The following FBXL17 variants were observed in gnomAD, a reference collection of about 807,000 sequenced individuals.
The protein encoded by FBXL17 is F-box/LRR-repeat protein 17.
A neutral mutation model predicts 66.2 loss-of-function variants in FBXL17; 22 were observed. That is an observed-to-expected ratio of 0.33 (90% CI 0.24 to 0.47). FBXL17 has a LOEUF of 0.47. Among genes scored for constraint, FBXL17 ranks in the 20% least tolerant of loss-of-function variants. The probability of loss-of-function intolerance (pLI) is 1.00; values close to 1 mark genes in which losing one functional copy is unlikely to be tolerated. For missense variants in FBXL17, 878 were observed against 948.2 expected (o/e 0.93, Z 0.97); for synonymous variants, 474 against 400.5 (o/e 1.18, Z -2.19).
chr5:108,332,832 C>T (rs975243558), intron 4 of FBXL17, among the ~76,000 whole-genome samples: 1 of 151,156 alleles, frequency 6.6e-6, no homozygotes, highest in African/African-American at 2.4e-5. Context: ...TAGTTTCGAA[C>T]TCCTGACCTC....
chr5:108,113,327 C>A (rs967649644), intron 6 of FBXL17, among the ~76,000 whole-genome samples: 1 of 151,974 alleles, frequency 6.6e-6, no homozygotes, highest in Non-Finnish European at 1.5e-5. Context: ...AACTACTGAG[C>A]CTTTAAATCT....
At chr5:108,303,843 A>G (rs1490317664) in intron 4 of FBXL17, among the ~76,000 whole-genome samples, 1 of 151,976 alleles carries the variant, frequency 6.6e-6, no homozygotes, top group Non-Finnish European at 1.5e-5. Flanking sequence ...AATAGAATGT[A>G]TGCTTGTATA....
At chr5:108,120,889 A>T (rs983954292) in intron 6 of FBXL17, among the ~76,000 whole-genome samples, 3 of 152,184 alleles carry the variant, frequency 2.0e-5, no homozygotes, top group African/African-American at 7.2e-5. Context: ...GAATGAATGA[A>T]TGCTTATCCT....
At chr5:107,905,032 C>T (rs1748162051) in intron 7 of FBXL17, among the ~76,000 whole-genome samples, 1 of 151,670 alleles carries the variant, frequency 6.6e-6, no homozygotes, top group South Asian at 2.1e-4. Context: ...GCTTCCAACT[C>T]AAACAGGGCA....
chr5:108,050,556 G>A (rs1324470898), intron 6 of FBXL17, among the ~76,000 whole-genome samples: 1 of 152,102 alleles, frequency 6.6e-6, no homozygotes, highest in Non-Finnish European at 1.5e-5. Flanking sequence ...CTAAAGCAGT[G>A]TTAAGAGGGA....
chr5:108,360,441 G>A (rs1211485186), intron 3 of FBXL17, among the ~76,000 whole-genome samples: 3 of 152,002 alleles, frequency 2.0e-5, no homozygotes, highest in Admixed American at 6.6e-5. Context: ...CATAGTTTCT[G>A]ATGATAAAAC....
intron 6 of FBXL17, among the ~76,000 whole-genome samples, chr5:108,028,391 T>C (rs557070274): frequency 6.6e-6 from 1 of 152,298 alleles, no homozygotes; most frequent in East Asian, 1.9e-4. Context: ...GCTATAAGTA[T>C]TGATATGAAA....
chr5:108,071,270 T>C (rs1049555958), intron 6 of FBXL17, among the ~76,000 whole-genome samples: 1 of 152,238 alleles, frequency 6.6e-6, no homozygotes, highest in Non-Finnish European at 1.5e-5. Flanking sequence ...AAGATTTTCA[T>C]GACCCTACTA....
At chr5:107,919,921 C>A (rs1750255034) in intron 7 of FBXL17, among the ~76,000 whole-genome samples, 1 of 152,242 alleles carries the variant, frequency 6.6e-6, no homozygotes, top group South Asian at 2.1e-4. Context: ...TTATTTCCAG[C>A]AACTAGGACA....
intron 6 of FBXL17, among the ~76,000 whole-genome samples, chr5:108,090,786 T>G (rs78852821): frequency 6.6e-6 from 1 of 152,104 alleles, no homozygotes; most frequent in Non-Finnish European, 1.5e-5. Context: ...ATGGACTAGG[T>G]GGTTTGTTGA....
At chr5:108,372,905 A>T (rs1749137380) in intron 1 of FBXL17, among the ~76,000 whole-genome samples, 1 of 152,074 alleles carries the variant, frequency 6.6e-6, no homozygotes, top group South Asian at 2.1e-4. Flanking sequence ...TTGGTTTGCA[A>T]TGCCTCCTCT....
intron 6 of FBXL17, among the ~76,000 whole-genome samples, chr5:108,123,709 T>C (rs756982508): frequency 2.6e-5 from 4 of 152,182 alleles, no homozygotes; most frequent in Non-Finnish European, 5.9e-5. Context: ...TCCCTATTTC[T>C]GTGTTCTTGT....
At chr5:108,354,945 G>A (rs1427029077) in intron 3 of FBXL17, among the ~76,000 whole-genome samples, 1 of 151,942 alleles carries the variant, frequency 6.6e-6, no homozygotes, top group African/African-American at 2.4e-5. Context: ...AAAAGTGAAG[G>A]AGAAATAAAG....
chr5:108,150,811 T>C (rs769343664), intron 6 of FBXL17, among the ~76,000 whole-genome samples: 2 of 152,222 alleles, frequency 1.3e-5, no homozygotes, highest in African/African-American at 2.4e-5. Context: ...GGTGGTGATA[T>C]CTGATCAACT....
At chr5:108,289,791 G>A (rs186706588) in intron 4 of FBXL17, among the ~76,000 whole-genome samples, 139 of 152,196 alleles carry the variant, frequency 9.1e-4, no homozygotes, top group African/African-American at 3.3e-3. Context: ...TTGGAAGGTT[G>A]CCTAACAGCC....
intron 7 of FBXL17, among the ~76,000 whole-genome samples, chr5:107,964,084 T>G (rs1043397928): frequency 6.6e-6 from 1 of 152,110 alleles, no homozygotes; most frequent in South Asian, 2.1e-4. Flanking sequence ...TTTATAAGAT[T>G]TATTATGGTT....
intron 6 of FBXL17, among the ~76,000 whole-genome samples, chr5:108,062,672 G>T (rs1020204803): frequency 6.6e-6 from 1 of 152,030 alleles, no homozygotes; most frequent in Admixed American, 6.6e-5. Flanking sequence ...CAATTTTCAT[G>T]ACTTTTTTGG....
At chr5:108,021,692 G>A (rs1435551260) in intron 6 of FBXL17, among the ~76,000 whole-genome samples, 2 of 151,100 alleles carry the variant, frequency 1.3e-5, no homozygotes, top group Admixed American at 6.6e-5. Context: ...TAGGCCTAGC[G>A]GAAGTTGTAT....
chr5:107,941,786 C>T (rs1580732408), intron 7 of FBXL17, among the ~76,000 whole-genome samples: 2 of 152,242 alleles, frequency 1.3e-5, no homozygotes, highest in Admixed American at 6.5e-5. Context: ...TAATTCAATT[C>T]GAACCTAATT....
Sources: allele counts gnomAD v4.1 joint callset (sites outside exome capture counted in the v4.1 genomes callset), GRCh38; gene constraint gnomAD v4.1.1; transcripts MANE v1.5; gene names NCBI Gene and HGNC (gene_info 2026-07-23, HGNC 2026-07-21).